PSPC1: variants seen among roughly 807,000 people sequenced by gnomAD.
PSPC1 encodes paraspeckle component 1, also known as paraspeckle protein 1.
Under a neutral mutation model 51.6 loss-of-function variants are expected in PSPC1, and 14 were observed. The ratio of observed to expected loss-of-function variants is 0.27; its 90% confidence interval spans 0.18 to 0.42. PSPC1 has a LOEUF of 0.42. Ranked by LOEUF, PSPC1 falls within the 10% of genes least tolerant of loss-of-function variation. PSPC1 has a pLI of 1.00. For synonymous variants in PSPC1, 193 were observed against 231.9 expected (o/e 0.83, Z 1.53); for missense variants, 406 against 701.1 (o/e 0.58, Z 4.75).
chr13:19,677,951 G>T, intron 6 of PSPC1: 1 of 383,532 alleles, frequency 2.6e-6, no homozygotes, highest in Non-Finnish European at 5.2e-6. Flanking sequence ...ATGTAGTGCT[G>T]CGTGCTGATT....
At chr13:19,680,172 G>A (rs550444143) in intron 6 of PSPC1, among the ~76,000 whole-genome samples, 69 of 152,050 alleles carry the variant, frequency 4.5e-4, no homozygotes, top group African/African-American at 1.5e-3. Flanking sequence ...ACACTACCGC[G>A]CCCAGCTAAT....
At chr13:19,692,502 G>C (rs949234007) in intron 6 of PSPC1, among the ~76,000 whole-genome samples, 2 of 152,182 alleles carry the variant, frequency 1.3e-5, no homozygotes, top group Non-Finnish European at 2.9e-5. Context: ...ATGTATCATA[G>C]TCATCTTTGG....
intron 1 of PSPC1, among the ~76,000 whole-genome samples, chr13:19,773,832 C>T (rs192082318): frequency 1.3e-5 from 2 of 151,988 alleles, no homozygotes; most frequent in East Asian, 3.9e-4. Flanking sequence ...TTTTAATTTT[C>T]TGTAGAGATG....
downstream of PSPC1, among the ~76,000 whole-genome samples, chr13:19,698,659 CTT>C (rs1434082169): frequency 1.3e-5 from 2 of 151,920 alleles, no homozygotes; most frequent in East Asian, 3.9e-4. Flanking sequence ...AATACCATCT[CTT>C]TTAAAGTTCA....
chr13:19,730,233 A>C lies in PSPC1; in HGVS notation c.1158+6T>G. On this transcript the variant is annotated splice_donor_region_variant and intron_variant, in intron 6 of 8. Coordinates refer to ENST00000338910, the MANE Select transcript of PSPC1 (RefSeq NM_001354909.2). ...AATCATTTTAGTTAACTAGTAGTTTACTTACATTTTCCATGTAGTTTGGCT... is the reference window on the plus strand; with the variant it reads ...AATCATTTTAGTTAACTAGTAGTTTCCTTACATTTTCCATGTAGTTTGGCT... 6.2e-7 allele frequency: 1 copy of C among 1,608,416 alleles called. No individual in the cohort carries two copies. Among genetic ancestry groups the C allele is most frequent in the Non-Finnish European group, 8.5e-7 (1 of 1,175,154 alleles).
exon 8 of PSPC1, chr13:19,674,786 T>TTAAC (rs1446084687): frequency 6.6e-6 from 1 of 152,234 alleles, no homozygotes. Context: ...TTTCATGCAG[T>TTAAC]TAACATGCTT....
chr13:19,727,533 G>C (rs577959430), intron 6 of PSPC1, among the ~76,000 whole-genome samples: 1 of 152,102 alleles, frequency 6.6e-6, no homozygotes, highest in Admixed American at 6.6e-5. Flanking sequence ...TAAGATGGAC[G>C]TTTGGATATT....
At chr13:19,725,278 T>A (rs1232422994) in intron 6 of PSPC1, among the ~76,000 whole-genome samples, 1 of 152,246 alleles carries the variant, frequency 6.6e-6, no homozygotes, top group African/African-American at 2.4e-5. Flanking sequence ...TAACCATGAC[T>A]ACCAATGAAC....
intron 5 of PSPC1, among the ~76,000 whole-genome samples, chr13:19,738,995 G>A (rs1885143403): frequency 6.6e-6 from 1 of 151,832 alleles, no homozygotes. Context: ...TCAATCCACA[G>A]TTGGCTGAAT....
At chr13:19,673,229 G>C, downstream of PSPC1, 1 of 422,766 alleles carries the variant, frequency 2.4e-6, no homozygotes, top group South Asian at 1.7e-5. Context: ...AAGAGTTCCT[G>C]CTTCTGTATG....
At chr13:19,774,910 C>T (rs1285967819) in intron 1 of PSPC1, among the ~76,000 whole-genome samples, 1 of 151,644 alleles carries the variant, frequency 6.6e-6, no homozygotes, top group African/African-American at 2.4e-5. Context: ...TAAGGGGGCT[C>T]ACACCTGTAA....
intron 1 of PSPC1, among the ~76,000 whole-genome samples, chr13:19,779,898 CGGGA>C (rs1889716905): frequency 2.4e-5 from 3 of 122,626 alleles, no homozygotes; most frequent in Admixed American, 7.6e-5. Context: ...CCGCCCCGTC[CGGGA>C]GGGAGGTGGG....
intron 6 of PSPC1, among the ~76,000 whole-genome samples, chr13:19,691,517 G>A (rs1334329341): frequency 6.6e-6 from 1 of 151,908 alleles, no homozygotes; most frequent in Non-Finnish European, 1.5e-5. Flanking sequence ...GTGAGACCTT[G>A]TCTCGAAAAA....
At chr13:19,710,564 C>A (rs536814188) in intron 6 of PSPC1, among the ~76,000 whole-genome samples, 23 of 152,226 alleles carry the variant, frequency 1.5e-4, no homozygotes, top group Admixed American at 1.4e-3. Flanking sequence ...TCTAAATGTT[C>A]ATTTAAAGTT....
intron 1 of PSPC1, among the ~76,000 whole-genome samples, chr13:19,775,135 G>T (rs532518306): frequency 6.6e-6 from 1 of 151,952 alleles, no homozygotes; most frequent in Non-Finnish European, 1.5e-5. Flanking sequence ...TCAGGAGTTC[G>T]AGACCAGCCT....
intron 1 of PSPC1, among the ~76,000 whole-genome samples, chr13:19,780,136 T>A (rs1386317876): frequency 2.8e-5 from 1 of 35,444 alleles, no homozygotes; most frequent in Non-Finnish European, 7.4e-5. Context: ...GGGAGGGAGG[T>A]GGGGGGATCA....
chr13:19,681,980 T>C (rs1418002881), intron 6 of PSPC1, among the ~76,000 whole-genome samples: 2 of 152,126 alleles, frequency 1.3e-5, no homozygotes, highest in East Asian at 1.9e-4. Context: ...TATAAAGAAA[T>C]AGTGAAGACT....
intron 3 of PSPC1, among the ~76,000 whole-genome samples, chr13:19,752,334 C>T (rs1342485669): frequency 6.6e-6 from 1 of 152,236 alleles, no homozygotes; most frequent in East Asian, 1.9e-4. Context: ...GCAGTATATA[C>T]ATTTAATATA....
intron 1 of PSPC1, among the ~76,000 whole-genome samples, chr13:19,774,116 T>C (rs573108318): frequency 6.6e-6 from 1 of 152,302 alleles, no homozygotes; most frequent in African/African-American, 2.4e-5. Context: ...AATATGCTCA[T>C]TGCTGAAACT....
Sources: allele counts gnomAD v4.1 joint callset (sites outside exome capture counted in the v4.1 genomes callset), GRCh38; gene constraint gnomAD v4.1.1; transcripts MANE v1.5; gene names NCBI Gene and HGNC (gene_info 2026-07-23, HGNC 2026-07-21).